Variants in ROCK1 observed in about 807,000 individuals in gnomAD.
ROCK1 encodes rho-associated protein kinase 1.
In ROCK1, 36 loss-of-function variants were observed where a neutral mutation model predicts 196.8. That is an observed-to-expected ratio of 0.18 (90% confidence interval 0.14 to 0.24). ROCK1 has a LOEUF of 0.24. Among genes scored for constraint, ROCK1 ranks in the 10% least tolerant of loss-of-function variants. ROCK1 has a pLI of 1.00. For missense variants in ROCK1, 920 were observed against 1,562.0 expected (o/e 0.59, Z 6.93); for synonymous variants, 443 against 515.9 (o/e 0.86, Z 1.91).
intron 1 of ROCK1, among the ~76,000 whole-genome samples, chr18:21,079,043 G>A (rs1454516283): frequency 1.3e-5 from 2 of 152,128 alleles, no homozygotes; most frequent in Non-Finnish European, 2.9e-5. Context: ...TTCCATAAAA[G>A]CTGTGGGATT....
chr18:20,982,542 G>A (rs1271667240), intron 21 of ROCK1, among the ~76,000 whole-genome samples: 2 of 152,084 alleles, frequency 1.3e-5, no homozygotes, highest in Non-Finnish European at 1.5e-5. Flanking sequence ...GTGAGCCACC[G>A]CACCTGGCCT....
chr18:21,095,030 ACAAGAGGGAAACTCTG>A (rs2036601486), intron 1 of ROCK1, among the ~76,000 whole-genome samples: 1 of 149,948 alleles, frequency 6.7e-6, no homozygotes, highest in African/African-American at 2.5e-5. Context: ...AGCCTGGGCA[ACAAGAGGGAAACTCTG>A]TCTCAAAAAA....
intron 1 of ROCK1, among the ~76,000 whole-genome samples, chr18:21,083,977 C>A (rs577288395): frequency 5.3e-5 from 8 of 152,226 alleles, no homozygotes; most frequent in Non-Finnish European, 1.0e-4. Context: ...CAAACCCACA[C>A]ATACATATGG....
intron 16 of ROCK1, among the ~76,000 whole-genome samples, chr18:20,997,671 C>A (rs1598522167): frequency 6.6e-6 from 1 of 152,292 alleles, no homozygotes; most frequent in East Asian, 1.9e-4. Flanking sequence ...TTTCATCCAA[C>A]AGCCACAGAA....
chr18:21,053,727 C>T (rs1013081080), intron 2 of ROCK1, among the ~76,000 whole-genome samples: 7 of 152,088 alleles, frequency 4.6e-5, no homozygotes, highest in Non-Finnish European at 8.8e-5. Context: ...GTCCCAGCTA[C>T]TTGGGAGGCT....
Position 21,008,162 on chromosome 18 carries a change from C to T in ROCK1, c.1443G>A (p.Val481=), listed in dbSNP as rs749571071. 3.1e-6 allele frequency: 5 copies of T among 1,588,792 alleles called. No homozygotes were observed. The highest frequency in any genetic ancestry group is 4.3e-6 in the Non-Finnish European group (5 of 1,166,396). The change falls in exon 14 of 33, where the codon GTG becomes GTA. Residue 481 remains valine, a synonymous_variant. Coordinates refer to ENST00000399799, the MANE Select transcript of ROCK1 (RefSeq NM_005406.3). Reference sequence around the variant, plus strand: ...ACATTTTCTCCTTCTCAATCTGAGACACTGTAGATTCTAGATTTCTTCTTT... The same window carrying T: ...ACATTTTCTCCTTCTCAATCTGAGATACTGTAGATTCTAGATTTCTTCTTT... ...GNQRRNLEST[V]SQIEKEKMLL... is the part of the protein sequence containing the mutation.
At chr18:21,005,324 G>A (rs1431368111) in intron 16 of ROCK1, among the ~76,000 whole-genome samples, 3 of 152,158 alleles carry the variant, frequency 2.0e-5, no homozygotes, top group Non-Finnish European at 2.9e-5. Flanking sequence ...AATGTGTAAT[G>A]GGATTTTATT....
chr18:21,038,664 G>C (rs1330545830), intron 9 of ROCK1, among the ~76,000 whole-genome samples: 1 of 152,170 alleles, frequency 6.6e-6, no homozygotes, highest in Admixed American at 6.5e-5. Flanking sequence ...TAAGGTAGCT[G>C]AGTTCATTTC....
chr18:21,008,040 A>G lies in ROCK1; in HGVS notation c.1546+19T>C, dbSNP rs759045706. The G allele has an allele frequency of 1.9e-6, 3 of 1,571,600 alleles. No individual in the cohort carries two copies. In the East Asian group the frequency reaches 6.8e-5, roughly 36 times the overall value. On this transcript the variant is annotated intron_variant, in intron 14 of 32. Coordinates refer to ENST00000399799, the MANE Select transcript of ROCK1 (RefSeq NM_005406.3). ...AGTGTTAGAAATTCTATCATTTTTC[A>G]AAAGTAGTGACAATTTACCTTCATT...
Position 20,969,216 on chromosome 18 carries a change from A to G in ROCK1, c.2821-8T>C, listed in dbSNP as rs749734548. On this transcript the variant is annotated splice_polypyrimidine_tract_variant and splice_region_variant and intron_variant, in intron 23 of 32. Transcript: ENST00000399799. ...GCTGTTTGCTTCTTCAAGCTAAACA[A>G]AGCACACAAAAGTTTAAGCTCCAGC... The G allele has an allele frequency of 4.5e-6, 7 of 1,557,184 alleles. No homozygotes were observed. The highest frequency in any genetic ancestry group is 6.1e-6 in the Non-Finnish European group (7 of 1,139,660).
chr18:21,054,062 G>A (rs2036227026), intron 2 of ROCK1, among the ~76,000 whole-genome samples: 1 of 152,184 alleles, frequency 6.6e-6, no homozygotes, highest in African/African-American at 2.4e-5. Context: ...CTTAGGTGTT[G>A]TAGAACAAAA....
At chr18:20,988,796 T>C (rs575798978) in intron 18 of ROCK1, among the ~76,000 whole-genome samples, 1 of 152,182 alleles carries the variant, frequency 6.6e-6, no homozygotes, top group South Asian at 2.1e-4. Flanking sequence ...ACAAGCTGTA[T>C]GTATTTTCAT....
intron 5 of ROCK1, among the ~76,000 whole-genome samples, chr18:21,044,537 A>G (rs148358127): frequency 8.6e-4 from 131 of 152,338 alleles, no homozygotes; most frequent in Middle Eastern, 3.4e-3. Context: ...GGCAGGGTCT[A>G]AGTCACTTTC....
chr18:21,031,604 CAA>C (rs781463990), intron 9 of ROCK1, among the ~76,000 whole-genome samples: 1,759 of 51,724 alleles, frequency 0.034, 26 homozygotes, highest in African/African-American at 0.12. Flanking sequence ...GACTCCATCT[CAA>C]AAAAAAAAAA....
At chr18:21,017,497 C>A (rs913223590) in intron 12 of ROCK1, among the ~76,000 whole-genome samples, 3 of 151,848 alleles carry the variant, frequency 2.0e-5, no homozygotes, top group African/African-American at 7.3e-5. Context: ...GCCTACCACA[C>A]TTCTTGATAA....
intron 9 of ROCK1, among the ~76,000 whole-genome samples, chr18:21,030,190 C>T (rs2035994163): frequency 6.6e-6 from 1 of 152,130 alleles, no homozygotes; most frequent in Admixed American, 6.6e-5. Flanking sequence ...GGTGAAAACA[C>T]TAAACAGTTG....
intron 18 of ROCK1, among the ~76,000 whole-genome samples, chr18:20,988,950 A>G (rs186777349): frequency 6.6e-6 from 1 of 152,312 alleles, no homozygotes; most frequent in African/African-American, 2.4e-5. Context: ...GAAATAAAAG[A>G]AGCTCAATAT....
At chr18:20,957,540 G>T (rs1598506256) in intron 29 of ROCK1, among the ~76,000 whole-genome samples, 1 of 152,086 alleles carries the variant, frequency 6.6e-6, no homozygotes, top group East Asian at 1.9e-4. Context: ...CAGTGCAGTG[G>T]CGCAATCTTG....
At chr18:21,052,133 C>G (rs1235086175) in intron 2 of ROCK1, among the ~76,000 whole-genome samples, 1 of 152,186 alleles carries the variant, frequency 6.6e-6, no homozygotes, top group Non-Finnish European at 1.5e-5. Context: ...CATTTGAAAT[C>G]TAAAAGATCT....
Sources: gnomAD v4.1 joint callset for allele counts (sites outside exome capture counted in the v4.1 genomes callset) on GRCh38, gnomAD v4.1.1 for gene constraint, MANE v1.5 for transcripts, NCBI Gene and HGNC (gene_info 2026-07-23, HGNC 2026-07-21) for gene names.